CRYBA2: variants seen among roughly 807,000 people sequenced by gnomAD.
CRYBA2 encodes crystallin beta A2.
In CRYBA2, 17 loss-of-function variants were observed where a neutral mutation model predicts 18.5. The ratio of observed to expected loss-of-function variants is 0.92; its 90% CI spans 0.63 to 1.38. The LOEUF is 1.38. Ranked by LOEUF, CRYBA2 falls within the 40% of genes most tolerant of loss-of-function variation. CRYBA2 has a pLI of 0.00. For missense variants in CRYBA2, 271 were observed against 265.0 expected (o/e 1.02, Z -0.16); for synonymous variants, 101 against 106.2 (o/e 0.95, Z 0.30).
chr2:218,991,850 G>T lies in CRYBA2; in HGVS notation c.303+252C>A. On this transcript the variant is annotated intron_variant, in intron 2 of 3. Coordinates refer to ENST00000295728, the MANE Select transcript of CRYBA2 (RefSeq NM_057093.2). ...CACGTGTGGACGATGGAATGTGGGG[G>T]AACCCTGGGCACTCAGGACTGGGAT... 6.3e-6 allele frequency: 3 copies of T among 478,588 alleles called. No individual in the cohort carries two copies. In the South Asian group the frequency reaches 9.7e-5, roughly 15 times the overall value. 29.6% of individuals were successfully genotyped at this position (478,588 alleles called of 1,614,324 possible).
At chr2:218,992,898 T>C (rs1945514825) in intron 1 of CRYBA2, 118 bp downstream of exon 1, 1 of 741,588 alleles carries the variant, frequency 1.3e-6, no homozygotes, top group African/African-American at 1.8e-5. Flanking sequence ...GCTATGGGGT[T>C]TCCCATGTTG....
At chr2:218,992,981 C>T (rs753246259) in intron 1 of CRYBA2, 35 bp downstream of exon 1, 1 of 1,569,346 alleles carries the variant, frequency 6.4e-7, no homozygotes. Context: ...CAGCGCCCCT[C>T]AACCCAGCCC....
rs1397677212 is a variant in CRYBA2, at chr2:218,990,837, A to T, written c.446+15T>A. On this transcript the variant is annotated intron_variant, in intron 3 of 3. Transcript: ENST00000295728. ...CCTGCTCTTCTGTCTCCCTGGTTCC[A>T]GTTCCAGGACTCACGCTCCGGAGCT... The T allele has an allele frequency of 6.2e-7, 1 of 1,610,264 alleles. No individual in the cohort carries two copies. The highest frequency in any genetic ancestry group is 1.1e-5 in the South Asian group (1 of 90,916).
At position 218,990,397 on chromosome 2, in the gene CRYBA2, C is replaced by T; in HGVS notation, c.449G>A (p.Trp150Ter). Residue 150 changes from tryptophan (W) to a stop codon, truncating the protein, a stop_gained and splice_region_variant, in exon 4 of 4, where the codon TGG (tryptophan) becomes TAG (stop). Coordinates refer to ENST00000295728, the MANE Select transcript of CRYBA2 (RefSeq NM_057093.2). LOFTEE classifies it low-confidence loss of function (END_TRUNC). ...VGSLKVSSGA[W>*]VAYQYPGYRG... ...GTAGCCTGGGTACTGGTAGGCCACC[C>T]ACCTAGGCCAGTGAGGGTACAGAGG... is the stretch of plus-strand genomic sequence containing the variant. 3.1e-6 allele frequency: 5 copies of T among 1,614,012 alleles called. No homozygotes were observed. Among genetic ancestry groups the T allele is most frequent in the Non-Finnish European group, 4.2e-6 (5 of 1,179,998 alleles).
rs549400153 is a variant in CRYBA2 at position 218,990,761 on chromosome 2, G to A, written c.446+91C>T. 51 of 1,490,216 alleles carry A rather than the reference G, an allele frequency of 3.4e-5. No individual in the cohort carries two copies. The African/African-American group carries it at 3.5e-4, about 10-fold the overall frequency. 92.3% of individuals were successfully genotyped at this position (1,490,216 alleles called of 1,614,324 possible). A position where few individuals can be genotyped will look rare whatever the true frequency, so the allele number is the denominator to read the frequency against. Reference sequence around the variant, plus strand: ...CCAAGTCCCCAATATCTCTCTTAGCGCCCTCCCCACATCACTTTTCTCCAC... The same window carrying A: ...CCAAGTCCCCAATATCTCTCTTAGCACCCTCCCCACATCACTTTTCTCCAC... On this transcript the variant is annotated intron_variant, in intron 3 of 3. Coordinates refer to ENST00000295728, the MANE Select transcript of CRYBA2 (RefSeq NM_057093.2).
chr2:218,990,666 C>T (rs1183683933), intron 3 of CRYBA2, among the ~76,000 whole-genome samples, 186 bp downstream of exon 3: 1 of 151,744 alleles, frequency 6.6e-6, no homozygotes, highest in African/African-American at 2.4e-5. Flanking sequence ...TGCCCGCTGC[C>T]CCCCATTCTC....
intron 1 of CRYBA2, among the ~76,000 whole-genome samples, 176 bp downstream of exon 1, chr2:218,992,840 C>T (rs1170511165): frequency 1.3e-5 from 2 of 152,176 alleles, no homozygotes; most frequent in Non-Finnish European, 2.9e-5. Context: ...CACAAAAATA[C>T]ACAGTTTCCC....
Position 218,990,368 on chromosome 2 carries a change from C to T in CRYBA2, c.478G>A (p.Gly160Ser). Reference protein sequence around the residue: ...WVAYQYPGYRGYQYVLERDRH... With the variant: ...WVAYQYPGYRSYQYVLERDRH... Reference sequence around the variant, plus strand: ...TCCCGCTCCAACACATACTGGTAGCCTCGGTAGCCTGGGTACTGGTAGGCC... The same window carrying T: ...TCCCGCTCCAACACATACTGGTAGCTTCGGTAGCCTGGGTACTGGTAGGCC... The change falls in exon 4 of 4, where the codon GGC becomes AGC. Residue 160 changes from glycine (G) to serine (S), a missense_variant. Physicochemically the swap from Gly to Ser is moderately conservative, Grantham distance 56. Coordinates refer to ENST00000295728, the MANE Select transcript of CRYBA2 (RefSeq NM_057093.2). 2.5e-6 allele frequency: 4 copies of T among 1,614,112 alleles called. No individual in the cohort carries two copies. Among genetic ancestry groups the T allele is most frequent in the East Asian group, 2.2e-5 (1 of 44,872 alleles).
Position 218,990,917 on chromosome 2 carries a change from G to A in CRYBA2, c.381C>T (p.Tyr127=). ...CCCAGCCCATGGAGGGCAGGGATGG[G>A]TAGTCATCAACGAGGTCAAACTTGC... ...QGCKFDLVDD[Y]PSLPSMGWAS... is the part of the protein sequence containing the mutation. The change falls in exon 3 of 4, where the codon TAC becomes TAT. Residue 127 remains tyrosine (Y), a synonymous_variant. Transcript: ENST00000295728. 1.2e-6 allele frequency: 2 copies of A among 1,614,192 alleles called. No individual in the cohort carries two copies. The highest frequency in any genetic ancestry group is 1.3e-5 in the African/African-American group (1 of 75,048).
In CRYBA2 at chr2:218,993,188, C is replaced by G. The variant is rs780918637; in HGVS notation, c.-12G>C. On this transcript the variant is annotated 5_prime_UTR_variant, in exon 1 of 4. Coordinates refer to ENST00000295728, the MANE Select transcript of CRYBA2 (RefSeq NM_057093.2). The surrounding 1 kb of genome is among the most constrained non-coding windows in gnomAD (Gnocchi z 7.7). Reference sequence around the variant, plus strand: ...GGGGCGCTGCTCATGCCGCTGCGGACAGGAAGGGTGGCACCACGCGCTCAG... The same window carrying G: ...GGGGCGCTGCTCATGCCGCTGCGGAGAGGAAGGGTGGCACCACGCGCTCAG... The G allele has an allele frequency of 5.0e-6, 8 of 1,587,396 alleles. No individual in the cohort carries two copies. In the African/African-American group the frequency reaches 8.1e-5, roughly 16 times the overall value.
In CRYBA2 at chr2:218,993,383, T is replaced by A; in HGVS notation, c.-207A>T. 4 of 552,072 alleles carry A rather than the reference T, an allele frequency of 7.2e-6. No individual in the cohort carries two copies. The South Asian group carries it at 1.0e-4, about 14-fold the overall frequency. 34.2% of individuals were successfully genotyped at this position (552,072 alleles called of 1,614,324 possible). ...CAGCAGAGGGCATTCACCGGGTGGG[T>A]GAGCGCGGCACGCGAGGGAAATGGA... On this transcript the variant is annotated 5_prime_UTR_variant, in exon 1 of 4. Transcript: ENST00000295728. This position sits in a 1 kb window ranked among gnomAD's most constrained non-coding sequence, Gnocchi z 7.7.
rs868147605 is a variant in CRYBA2 at position 218,990,980 on chromosome 2, G to A, written c.318C>T (p.Ser106=). 6.2e-7 allele frequency: 1 copy of A among 1,613,988 alleles called. No homozygotes were observed. The highest frequency in any genetic ancestry group is 1.3e-5 in the African/African-American group (1 of 74,926). The change falls in exon 3 of 4, where the codon AGC becomes AGT. Residue 106 remains serine (S), a synonymous_variant. Transcript: ENST00000295728. The part of the protein sequence containing the change: ...RPVLCANHND[S]RVTLFEGDNF... ...TGTCCCCCTCAAACAGTGTCACACG[G>A]CTGTCATTGTGGTTCTGAGGCACAG...
At chr2:218,991,110 A>T in intron 2 of CRYBA2, 116 bp from the exon 3 acceptor site, 1 of 1,470,448 alleles carries the variant, frequency 6.8e-7, no homozygotes, top group Non-Finnish European at 9.2e-7. Context: ...GCTGTCTAGG[A>T]CCCACAGGCA....
Position 218,993,333 on chromosome 2 carries a change from C to T in CRYBA2, c.-157G>A. The T allele has an allele frequency of 1.5e-6, 1 of 666,096 alleles. No homozygotes were observed. Among genetic ancestry groups the T allele is most frequent in the Non-Finnish European group, 2.5e-6 (1 of 405,380 alleles). The allele number at this position is 666,096 out of a possible 1,614,324, so 41.3% of individuals were successfully genotyped here. A position where few individuals can be genotyped will look rare whatever the true frequency, so the allele number is the denominator to read the frequency against. ...CGGCTGCCAGGGGCTCGCAGTCTTC[C>T]CGCGCTCCCCTCCCTTCCCCACCCC... On this transcript the variant is annotated 5_prime_UTR_variant, in exon 1 of 4. Coordinates refer to ENST00000295728, the MANE Select transcript of CRYBA2 (RefSeq NM_057093.2). This position sits in a 1 kb window ranked among gnomAD's most constrained non-coding sequence, Gnocchi z 7.7.
chr2:218,990,279 C>T lies in CRYBA2; in HGVS notation c.567G>A (p.Leu189=), dbSNP rs1945479315. ...AGTGCTGGACTCTCCGGATGGACTG[C>T]AGCTGCCCAGTGTGGGCCTGTGTGC... ...ELGTQAHTGQ[L]QSIRRVQH Residue 189 remains leucine (L), a synonymous_variant, in exon 4 of 4, where the codon CTG becomes CTA. Transcript: ENST00000295728. 1 of 1,614,042 alleles carries T rather than the reference C, an allele frequency of 6.2e-7. No individual in the cohort carries two copies. The highest frequency in any genetic ancestry group is 1.7e-5 in the Admixed American group (1 of 60,006).
chr2:218,991,816 A>G, intron 2 of CRYBA2: 1 of 416,128 alleles, frequency 2.4e-6, no homozygotes, highest in Non-Finnish European at 4.3e-6. Flanking sequence ...CGACAGAGGC[A>G]CTCACTCACA....
intron 2 of CRYBA2, 24 bp downstream of exon 2, chr2:218,992,078 G>T: frequency 6.2e-7 from 1 of 1,600,384 alleles, no homozygotes; most frequent in Middle Eastern, 1.7e-4. Flanking sequence ...AGGAGGCAGG[G>T]GAGGAGAAGT....
At chr2:218,992,540 C>T (rs1003777585) in intron 1 of CRYBA2, among the ~76,000 whole-genome samples, 2 of 152,138 alleles carry the variant, frequency 1.3e-5, no homozygotes, top group African/African-American at 2.4e-5. Context: ...AGGGTTTAGG[C>T]CTTTGCATGG....
At position 218,993,066 on chromosome 2, in the gene CRYBA2, G is replaced by A. The variant is rs771787031; in HGVS notation, c.111C>T (p.Cys37=). The part of the protein sequence containing the change: ...CRLLSDCANV[C]ERGGLPRVRS... ...GCACCCTGGGCAGGCCTCCGCGCTC[G>A]CAGACGTTCGCACAGTCGCTTAGCA... The change falls in exon 1 of 4, where the codon TGC becomes TGT. Residue 37 remains cysteine (C), a synonymous_variant. Transcript: ENST00000295728. This position sits in a 1 kb window ranked among gnomAD's most constrained non-coding sequence, Gnocchi z 7.7. 16 of 1,610,428 alleles carry A rather than the reference G, an allele frequency of 9.9e-6. No homozygotes were observed. The African/African-American group carries it at 1.9e-4, about 19-fold the overall frequency.
Sources: gnomAD v4.1 joint callset for allele counts (sites outside exome capture counted in the v4.1 genomes callset) on GRCh38, gnomAD v4.1.1 for gene constraint, Gnocchi (gnomAD v3.1) non-coding constraint, MANE v1.5 for transcripts, NCBI Gene and HGNC (gene_info 2026-07-23, HGNC 2026-07-21) for gene names.